The following WDR81 variants were observed in gnomAD, a reference collection of about 807,000 sequenced individuals.
WDR81 encodes WD repeat domain 81.
WDR81 carries 92 observed loss-of-function variants against 140.8 expected under a neutral mutation model. The ratio of observed to expected loss-of-function variants is 0.65; its 90% CI spans 0.55 to 0.78. The LOEUF (loss-of-function observed/expected upper bound fraction) is 0.78, where lower values mean the gene tolerates loss of function less well. Ranked by LOEUF, WDR81 falls within the 30% of genes least tolerant of loss-of-function variation. The pLI, the probability that WDR81 is intolerant of heterozygous loss-of-function variation, is 0.00. For missense variants in WDR81, 2,502 were observed against 2,636.4 expected, an observed-to-expected ratio of 0.95 and a Z score of 1.12; for synonymous variants, 1,183 against 1,156.4, an observed-to-expected ratio of 1.02 and a Z score of -0.47.
chr17:1,727,617 G>T lies in WDR81; in HGVS notation c.2658G>T (p.Leu886=), dbSNP rs146618090. 48 of 1,550,572 alleles carry T rather than the reference G, an allele frequency of 3.1e-5. No homozygotes were observed. Among genetic ancestry groups the T allele is most frequent in the Non-Finnish European group, 2.6e-5 (30 of 1,147,046 alleles). The change falls in exon 1 of 10, where the codon CTG becomes CTT. Residue 886 remains leucine, a synonymous_variant. Coordinates refer to ENST00000409644, the MANE Select transcript of WDR81 (RefSeq NM_001163809.2). ...YFPALHRFIL[L]YQARRVEDEA... ...CGGCACTGCACAGATTCATCCTCCT[G>T]TACCAGGCAAGGCGTGTGGAGGACG...
rs986688335 is a variant in WDR81 at position 1,735,416 on chromosome 17, G to A, written c.5180-156G>A. On this transcript the variant is annotated intron_variant, in intron 7 of 9. Coordinates refer to ENST00000409644, the MANE Select transcript of WDR81 (RefSeq NM_001163809.2). The surrounding 1 kb of genome is among the most constrained non-coding windows in gnomAD (Gnocchi z 4.2). ...TGCACTCCAGCCTGGGCGACAAAGC[G>A]AGACTCCATCTCAAAAAAAGAGAAA... 5.9e-5 allele frequency among the ~76,000 whole-genome samples: 9 copies of A among 152,178 alleles called. No homozygotes were observed. The highest frequency in any genetic ancestry group is 1.2e-4 in the African/African-American group (5 of 41,446).
In WDR81 at chr17:1,724,780, C is replaced by T; in HGVS notation, c.-180C>T. On this transcript the variant is annotated 5_prime_UTR_variant, in exon 1 of 10. Coordinates refer to ENST00000409644, the MANE Select transcript of WDR81 (RefSeq NM_001163809.2). ...CGCCGCGCCCGGAGCGCAGGACCCG[C>T]GGAGGGGTAAGCGCGCCCCCCGTCC... 8.6e-7 allele frequency: 1 copy of T among 1,167,440 alleles called. No homozygotes were observed. The highest frequency in any genetic ancestry group is 1.1e-6 in the Non-Finnish European group (1 of 946,608). The allele number at this position is 1,167,440 out of a possible 1,614,324, so 72.3% of individuals were successfully genotyped here. A position where few individuals can be genotyped will look rare whatever the true frequency, so the allele number is the denominator to read the frequency against.
intron 1 of WDR81, among the ~76,000 whole-genome samples, chr17:1,718,511 A>C (rs1452861681): frequency 6.6e-6 from 1 of 151,936 alleles, no homozygotes; most frequent in Non-Finnish European, 1.5e-5. Context: ...CCACATGGCC[A>C]CCCCCCATAG....
At chr17:1,720,408 C>G (rs896493371), upstream of WDR81, among the ~76,000 whole-genome samples, 1 of 152,230 alleles carries the variant, frequency 6.6e-6, no homozygotes, top group Non-Finnish European at 1.5e-5. Flanking sequence ...CTGAAGGTTG[C>G]TGCATCAGAA....
At chr17:1,723,965 T>C (rs1208959822), upstream of WDR81, among the ~76,000 whole-genome samples, 1 of 152,168 alleles carries the variant, frequency 6.6e-6, no homozygotes, top group Non-Finnish European at 1.5e-5. Flanking sequence ...TCACAGAGTG[T>C]GTTGCGAGGG....
intron 1 of WDR81, chr17:1,716,797 G>C (rs1207577057): frequency 1.2e-6 from 1 of 803,456 alleles, no homozygotes; most frequent in Non-Finnish European, 2.0e-6. Flanking sequence ...AGGTGGAGCG[G>C]ACCAAGGAGC....
At chr17:1,723,395 T>A (rs1914981147), upstream of WDR81, among the ~76,000 whole-genome samples, 1 of 150,204 alleles carries the variant, frequency 6.7e-6, no homozygotes, top group South Asian at 2.1e-4. Flanking sequence ...TTCGTTTTAT[T>A]TTTATTTTAT....
At chr17:1,716,664 A>T in intron 1 of WDR81, 1 of 1,551,346 alleles carries the variant, frequency 6.4e-7, no homozygotes, top group Non-Finnish European at 8.7e-7. Flanking sequence ...TGAGCTCGGA[A>T]TCCAGCCCGG....
At chr17:1,732,995 C>T (rs934712716) in intron 6 of WDR81, 164 bp downstream of exon 6, 13 of 861,052 alleles carry the variant, frequency 1.5e-5, no homozygotes, top group African/African-American at 8.6e-5. Context: ...CAAGGTGACA[C>T]ACAAACAAGG....
In WDR81 at chr17:1,732,753, G is replaced by C. The variant is rs769333879; in HGVS notation, c.4411G>C (p.Ala1471Pro). 4 of 1,612,850 alleles carry C rather than the reference G, an allele frequency of 2.5e-6. No individual in the cohort carries two copies. The African/African-American group carries it at 4.0e-5, about 16-fold the overall frequency. Residue 1471 changes from alanine (A) to proline (P), a missense_variant, in exon 6 of 10, where the codon GCC (alanine) becomes CCC (proline). By Grantham distance (27) the Ala-to-Pro change is conservative. Around this residue, in one of 3 missense-constraint regions of WDR81, gnomAD observed 1,737 missense variants for 1,843.0 expected, o/e 0.94. Coordinates refer to ENST00000409644, the MANE Select transcript of WDR81 (RefSeq NM_001163809.2). Reference protein sequence around the residue: ...SDGQQRPVDPALLDELQKVFT... With the variant: ...SDGQQRPVDPPLLDELQKVFT... ...TGGGCAGCAGCGGCCCGTGGACCCC[G>C]CCCTGCTGGACGAGCTGCAGAAGGT... is the stretch of plus-strand genomic sequence containing the variant.
upstream of WDR81, chr17:1,724,416 C>G (rs376929346): frequency 8.3e-4 from 782 of 938,826 alleles, no homozygotes; most frequent in Non-Finnish European, 9.4e-4. Flanking sequence ...GCGGTCCGCA[C>G]TTAACTAAGA....
chr17:1,737,226 G>T, intron 9 of WDR81, 139 bp from the exon 10 acceptor site: 1 of 709,282 alleles, frequency 1.4e-6, no homozygotes, highest in Non-Finnish European at 2.3e-6. Context: ...GGTGTGTGTG[G>T]GAGGGTGGCG....
upstream of WDR81, among the ~76,000 whole-genome samples, chr17:1,723,933 AG>A (rs1915036201): frequency 6.6e-6 from 1 of 152,254 alleles, no homozygotes; most frequent in Non-Finnish European, 1.5e-5. Flanking sequence ...AAATATAAAC[AG>A]TAATAACTGT....
intron 4 of WDR81, among the ~76,000 whole-genome samples, chr17:1,731,494 G>A (rs538051332): frequency 2.6e-5 from 4 of 152,276 alleles, no homozygotes; most frequent in African/African-American, 9.6e-5. Context: ...TGATATGTCC[G>A]GGCACGGTGG....
chr17:1,728,048 A>AG lies in WDR81; in HGVS notation c.3091dup (p.Glu1031GlyfsTer48), dbSNP rs1283117876. The AG allele has an allele frequency of 1.1e-6, 1 of 951,030 alleles. No individual in the cohort carries two copies. Among genetic ancestry groups the AG allele is most frequent in the Admixed American group, 3.4e-5 (1 of 29,150 alleles). The allele number at this position is 951,030 out of a possible 1,614,324, so 58.9% of individuals were successfully genotyped here. A position where few individuals can be genotyped will look rare whatever the true frequency, so the allele number is the denominator to read the frequency against. On this transcript the variant is annotated frameshift_variant, in exon 1 of 10. Transcript: ENST00000409644. LOFTEE classifies it high-confidence loss of function. ...AGCAAGGACCTGGCAGGGGCTGCTG[A>AG]GGAGGAGGAGAGCGGGCTGCCCGGG...
At chr17:1,719,270 G>A (rs547637168) in intron 1 of WDR81, among the ~76,000 whole-genome samples, 7 of 152,276 alleles carry the variant, frequency 4.6e-5, no homozygotes, top group Non-Finnish European at 8.8e-5. Context: ...AAATGTGCCC[G>A]GGCGCGGTGG....
At chr17:1,730,063 A>G (rs1200908826) in intron 1 of WDR81, among the ~76,000 whole-genome samples, 1 of 151,610 alleles carries the variant, frequency 6.6e-6, no homozygotes, top group African/African-American at 2.4e-5. Context: ...GAGGGAGTGG[A>G]GGGAAGAGAG....
chr17:1,733,510 C>T lies in WDR81; in HGVS notation c.4490-17C>T. 1 of 1,511,160 alleles carries T rather than the reference C, an allele frequency of 6.6e-7. No individual in the cohort carries two copies. The highest frequency in any genetic ancestry group is 8.8e-7 in the Non-Finnish European group (1 of 1,130,862). The allele number at this position is 1,511,160 out of a possible 1,614,324, so 93.6% of individuals were successfully genotyped here. ...TGCCATCTTCCCTGTCTCAGGACCT[C>T]TCCCACTCCTATCCAGGTGACATCA... On this transcript the variant is annotated splice_polypyrimidine_tract_variant and intron_variant, in intron 6 of 9. Transcript: ENST00000409644.
At chr17:1,717,440 A>G (rs721576) in intron 1 of WDR81, among the ~76,000 whole-genome samples, 107,949 of 151,676 alleles carry the variant, frequency 0.71, 38,507 homozygotes, top group East Asian at 0.9. Flanking sequence ...CTAAGCAGGA[A>G]TGATGAGGCT....
Sources: gnomAD v4.1 joint callset for allele counts (sites outside exome capture counted in the v4.1 genomes callset) on GRCh38, gnomAD v4.1.1 for gene constraint, gnomAD v4.1.1 regional missense constraint, Gnocchi (gnomAD v3.1) non-coding constraint, MANE v1.5 for transcripts, NCBI Gene and HGNC (gene_info 2026-07-23, HGNC 2026-07-21) for gene names.